PSMA3: variants seen among roughly 807,000 people sequenced by gnomAD.
PSMA3 encodes proteasome subunit alpha type-3.
In PSMA3, 8 loss-of-function variants were observed where a neutral mutation model predicts 40.0. The ratio of observed to expected loss-of-function variants is 0.20; its 90% CI spans 0.12 to 0.36. The LOEUF (loss-of-function observed/expected upper bound fraction) is 0.36. PSMA3 is among the 10% of genes least tolerant of loss of function. PSMA3 has a pLI of 1.00. For missense variants in PSMA3, 219 were observed against 310.6 expected (o/e 0.70, Z 2.22); for synonymous variants, 110 against 100.0 (o/e 1.10, Z -0.59).
intron 3 of PSMA3, among the ~76,000 whole-genome samples, chr14:58,253,269 G>T (rs1302984503): frequency 6.6e-6 from 1 of 152,152 alleles, no homozygotes; most frequent in African/African-American, 2.4e-5. Context: ...GATTATAGGC[G>T]TGAGCCACTG....
intron 3 of PSMA3, among the ~76,000 whole-genome samples, chr14:58,256,165 G>A (rs1337423963): frequency 1.3e-5 from 2 of 151,558 alleles, no homozygotes; most frequent in African/African-American, 4.8e-5. Flanking sequence ...AGTAACTGCA[G>A]TTCTAAGCCG....
chr14:58,263,163 T>C (rs903523054), intron 6 of PSMA3, among the ~76,000 whole-genome samples: 28 of 152,106 alleles, frequency 1.8e-4, no homozygotes, highest in African/African-American at 6.7e-4. Context: ...TTTTGTATTT[T>C]TAGTAGAGAC....
In PSMA3 at chr14:58,270,970, T is replaced by G. The variant is rs772232386; in HGVS notation, c.695T>G (p.Ile232Arg). ...NGRHEIVPKD[I>R]REEAEKYAKE... ...AGACATGAAATTGTTCCAAAAGATA[T>G]AAGAGAAGAAGCAGAGAAATATGCT... is the stretch of plus-strand genomic sequence containing the variant. The change falls in exon 10 of 11, where the codon ATA (isoleucine) becomes AGA (arginine). Residue 232 changes from isoleucine to arginine, a missense_variant. Physicochemically the swap from Ile to Arg is moderately conservative, Grantham distance 97. Coordinates refer to ENST00000216455, the MANE Select transcript of PSMA3 (RefSeq NM_002788.4). The G allele has an allele frequency of 6.2e-7, 1 of 1,609,076 alleles. No individual in the cohort carries two copies. The highest frequency in any genetic ancestry group is 8.5e-7 in the Non-Finnish European group (1 of 1,177,022).
chr14:58,257,216 G>T (rs1890165061), intron 3 of PSMA3, among the ~76,000 whole-genome samples: 1 of 151,916 alleles, frequency 6.6e-6, no homozygotes, highest in Non-Finnish European at 1.5e-5. Flanking sequence ...CCTGAATATT[G>T]GCCGGGCACG....
intron 3 of PSMA3, among the ~76,000 whole-genome samples, chr14:58,255,739 AGCCTG>A (rs1271965380): frequency 1.3e-5 from 2 of 152,206 alleles, no homozygotes; most frequent in African/African-American, 4.8e-5. Flanking sequence ...ACTGTGCTCT[AGCCTG>A]GGCAACAAGA....
intron 8 of PSMA3, chr14:58,269,623 G>GT (rs1890553128): frequency 6.6e-6 from 1 of 151,312 alleles, no homozygotes; most frequent in Non-Finnish European, 1.5e-5. Flanking sequence ...TAGTAGAGAC[G>GT]TGGGTTCACC....
intron 1 of PSMA3, 112 bp downstream of exon 1, chr14:58,245,053 G>A: frequency 7.2e-7 from 1 of 1,387,456 alleles, no homozygotes; most frequent in Non-Finnish European, 1.0e-6. Flanking sequence ...ACCGCCTTCG[G>A]CTGGGTGGGC....
In PSMA3 at chr14:58,261,114, A is replaced by C. The variant is rs1458372042; in HGVS notation, c.477+94A>C. Reference sequence around the variant, plus strand: ...TTATAAGATTATATGAAATTAAAAAAAAACTCATTCAAGGAAAGTAATTTT... The same window carrying C: ...TTATAAGATTATATGAAATTAAAAACAAACTCATTCAAGGAAAGTAATTTT... On this transcript the variant is annotated intron_variant, in intron 6 of 10. Transcript: ENST00000216455. The C allele has an allele frequency of 5.7e-6, 5 of 880,420 alleles. No individual in the cohort carries two copies. The East Asian group carries it at 1.4e-4, about 25-fold the overall frequency. The allele number at this position is 880,420 out of a possible 1,614,324, so 54.5% of individuals were successfully genotyped here. A position where few individuals can be genotyped will look rare whatever the true frequency, so the allele number is the denominator to read the frequency against.
chr14:58,254,343 T>TATATATAC (rs71107930), intron 3 of PSMA3, among the ~76,000 whole-genome samples: 1 of 125,996 alleles, frequency 7.9e-6, no homozygotes, highest in Non-Finnish European at 1.6e-5. Flanking sequence ...CATATATATA[T>TATATATAC]GTATGTACAC....
In PSMA3 at chr14:58,267,741, A is replaced by G. The variant is rs369917279; in HGVS notation, c.590+221A>G. The G allele has an allele frequency of 4.8e-5, 40 of 826,640 alleles. No individual in the cohort carries two copies. In the African/African-American group the frequency reaches 6.8e-4, roughly 14 times the overall value. 51.2% of individuals were successfully genotyped at this position (826,640 alleles called of 1,614,324 possible). A position where few individuals can be genotyped will look rare whatever the true frequency, so the allele number is the denominator to read the frequency against. On this transcript the variant is annotated intron_variant, in intron 8 of 10. Transcript: ENST00000216455. ...AGGATGGGAAAAATAGCTTGACAAA[A>G]TAAACTCCTGTTACAGGTTAAGGAC...
At chr14:58,254,349 T>TATGTACAC (rs1555352278) in intron 3 of PSMA3, among the ~76,000 whole-genome samples, 3 of 133,276 alleles carry the variant, frequency 2.3e-5, no homozygotes, top group African/African-American at 8.5e-5. Context: ...TATATGTATG[T>TATGTACAC]ACACACACAC....
chr14:58,261,047 T>A, intron 6 of PSMA3, 27 bp downstream of exon 6: 1 of 1,489,648 alleles, frequency 6.7e-7, no homozygotes, highest in Non-Finnish European at 9.4e-7. Flanking sequence ...CATTTGAAAT[T>A]CTATTTTAGT....
chr14:58,261,428 C>A lies in PSMA3; in HGVS notation c.477+408C>A, dbSNP rs915541740. Among the ~76,000 whole-genome samples, 5 of 152,268 alleles carry A rather than the reference C, an allele frequency of 3.3e-5. No homozygotes were observed. In the South Asian group the frequency reaches 1.0e-3, roughly 32 times the overall value. ...TCCAGTCCTCAAGAGATCTACCCAC[C>A]TGGGTCTCCCAAAGTGCGAGTATTA... On this transcript the variant is annotated intron_variant, in intron 6 of 10. Coordinates refer to ENST00000216455, the MANE Select transcript of PSMA3 (RefSeq NM_002788.4).
intron 3 of PSMA3, 45 bp downstream of exon 3, chr14:58,252,287 T>A (rs140248026): frequency 6.3e-7 from 1 of 1,583,890 alleles, no homozygotes; most frequent in Non-Finnish European, 8.6e-7. Flanking sequence ...GTCCAATTTC[T>A]TTTGAAGTAA....
rs745454675 is a variant in PSMA3 at position 58,270,426 on chromosome 14, T to C, written c.599T>C (p.Ile200Thr). The stretch of plus-strand genomic sequence containing the variant: ...TCCCTTTTCTATTCTAGAATTTACA[T>C]AGTACATGACGAAGTTAAGGATAAA... ...IVKEVAKIIYIVHDEVKDKAF... is the reference protein window; with the variant it reads ...IVKEVAKIIYTVHDEVKDKAF... The change falls in exon 9 of 11, where the codon ATA (isoleucine) becomes ACA (threonine). Residue 200 changes from isoleucine (I) to threonine (T), a missense_variant. By Grantham distance (89) the Ile-to-Thr change is moderately conservative. Transcript: ENST00000216455. 1.7e-5 allele frequency: 27 copies of C among 1,613,338 alleles called. No homozygotes were observed. Among genetic ancestry groups the C allele is most frequent in the East Asian group, 6.7e-5 (3 of 44,760 alleles).
intron 3 of PSMA3, among the ~76,000 whole-genome samples, chr14:58,253,985 G>C (rs1026247003): frequency 6.6e-6 from 1 of 151,848 alleles, no homozygotes; most frequent in African/African-American, 2.4e-5. Context: ...TTGTTGTACA[G>C]ATTTTTCTCG....
chr14:58,267,521 G>T lies in PSMA3; in HGVS notation c.590+1G>T. ...ATATCGTTAAAGAAGTTGCAAAAATGTAAGTTGAAATTTTTCTTACCATCC... is the reference window on the plus strand; with the variant it reads ...ATATCGTTAAAGAAGTTGCAAAAATTTAAGTTGAAATTTTTCTTACCATCC... On this transcript the variant is annotated splice_donor_variant, in intron 8 of 10. Coordinates refer to ENST00000216455, the MANE Select transcript of PSMA3 (RefSeq NM_002788.4). LOFTEE classifies it high-confidence loss of function. The T allele has an allele frequency of 6.4e-7, 1 of 1,573,890 alleles. No individual in the cohort carries two copies. Among genetic ancestry groups the T allele is most frequent in the East Asian group, 2.3e-5 (1 of 42,912 alleles).
Position 58,247,748 on chromosome 14 carries a change from A to ATCGGCACTGG in PSMA3, c.22-2_22-1insTCGGCACTGG. The ATCGGCACTGG allele has an allele frequency of 6.3e-7, 1 of 1,590,614 alleles. No homozygotes were observed. Among genetic ancestry groups the ATCGGCACTGG allele is most frequent in the Non-Finnish European group, 8.6e-7 (1 of 1,161,010 alleles). On this transcript the variant is annotated splice_acceptor_variant, in intron 1 of 10. Coordinates refer to ENST00000216455, the MANE Select transcript of PSMA3 (RefSeq NM_002788.4). LOFTEE classifies it high-confidence loss of function. ...GCTTACTGTTGCCCTTTTCTCCTTA[A>ATCGGCACTGG]GTATGACCTGTCAGCCTCTACATTC...
intron 7 of PSMA3, 32 bp downstream of exon 7, chr14:58,263,802 C>G (rs779761216): frequency 1.3e-6 from 2 of 1,585,494 alleles, no homozygotes; most frequent in Admixed American, 3.3e-5. Flanking sequence ...TTTACTATGT[C>G]GTCATCCTAA....
Sources: allele counts gnomAD v4.1 joint callset (sites outside exome capture counted in the v4.1 genomes callset), GRCh38; gene constraint gnomAD v4.1.1; transcripts MANE v1.5; gene names NCBI Gene and HGNC (gene_info 2026-07-23, HGNC 2026-07-21).